ADRB3: variants seen among roughly 807,000 people sequenced by gnomAD.
The protein encoded by ADRB3 is beta-3 adrenergic receptor.
In ADRB3, 33 loss-of-function variants were observed where a neutral mutation model predicts 23.8. That is an observed-to-expected ratio of 1.38 (90% confidence interval 1.05 to 1.85). The LOEUF (loss-of-function observed/expected upper bound fraction) is 1.85. Among genes scored for constraint, ADRB3 ranks in the 40% most tolerant of loss-of-function variants. ADRB3 has a pLI of 0.00. For missense variants in ADRB3, 600 were observed against 579.6 expected (o/e 1.04, Z -0.36); for synonymous variants, 289 against 273.0 (o/e 1.06, Z -0.58).
chr8:37,965,014 G>A (rs940821037), intron 1 of ADRB3: 11 of 455,494 alleles, frequency 2.4e-5, no homozygotes, highest in Non-Finnish European at 3.4e-5. Context: ...GCGCTTTCCG[G>A]TGGCGCACCT....
rs1330874005 is a variant in ADRB3 at position 37,965,633 on chromosome 8, G to A, written c.837C>T (p.Pro279=). The A allele has an allele frequency of 6.5e-7, 1 of 1,531,340 alleles. No individual in the cohort carries two copies. The highest frequency in any genetic ancestry group is 2.6e-5 in the East Asian group (1 of 38,872). 94.9% of individuals were successfully genotyped at this position (1,531,340 alleles called of 1,614,324 possible). The change falls in exon 1 of 2, where the codon CCC becomes CCT. Residue 279 remains proline (P), a synonymous_variant. Coordinates refer to ENST00000345060, the MANE Select transcript of ADRB3 (RefSeq NM_000025.3). ...PEGVPACGRR[P]ARLLPLREHR... ...GTTCCCGGAGAGGCAGGAGGCGCGC[G>A]GGCCGCCGGCCGCAGGCGGGCACCC...
Position 37,964,134 on chromosome 8 carries a change from A to T in ADRB3, c.*84T>A. ...GAGGGTAGAGTGTCACAGCCGGGGA[A>T]TCCCATGGGACTCATTCTGAACAGA... On this transcript the variant is annotated 3_prime_UTR_variant, in exon 2 of 2. Transcript: ENST00000345060. The T allele has an allele frequency of 8.2e-7, 1 of 1,213,048 alleles. No homozygotes were observed. The highest frequency in any genetic ancestry group is 1.5e-5 in the African/African-American group (1 of 66,862). 75.1% of individuals were successfully genotyped at this position (1,213,048 alleles called of 1,614,324 possible).
intron 1 of ADRB3, among the ~76,000 whole-genome samples, chr8:37,964,589 T>A: frequency 6.7e-6 from 1 of 149,834 alleles, no homozygotes; most frequent in Non-Finnish European, 1.5e-5. Flanking sequence ...CCAGGTCTAG[T>A]GATGGCAAGA....
In ADRB3 at chr8:37,964,123, A is replaced by G. The variant is rs1399508082; in HGVS notation, c.*95T>C. The G allele has an allele frequency of 2.6e-6, 3 of 1,137,946 alleles. No homozygotes were observed. In the East Asian group the frequency reaches 7.1e-5, roughly 27 times the overall value. 70.5% of individuals were successfully genotyped at this position (1,137,946 alleles called of 1,614,324 possible). A position where few individuals can be genotyped will look rare whatever the true frequency, so the allele number is the denominator to read the frequency against. ...GTCAGGTTCTGGAGGGTAGAGTGTC[A>G]CAGCCGGGGAATCCCATGGGACTCA... On this transcript the variant is annotated 3_prime_UTR_variant, in exon 2 of 2. Coordinates refer to ENST00000345060, the MANE Select transcript of ADRB3 (RefSeq NM_000025.3).
rs1808282241 is a variant in ADRB3 at position 37,965,514 on chromosome 8, C to A, written c.956G>T (p.Gly319Val). The A allele has an allele frequency of 2.1e-5, 32 of 1,551,330 alleles. No individual in the cohort carries two copies. Among genetic ancestry groups the A allele is most frequent in the Non-Finnish European group, 2.5e-5 (29 of 1,147,232 alleles). ...FLANVLRALG[G>V]PSLVPGPAFL... is the part of the protein sequence containing the mutation. ...AGCCGGGCCCGGGACTAGAGAGGGG[C>A]CCCCCAGGGCGCGCAGCACGTTGGC... The change falls in exon 1 of 2, where the codon GGC (glycine) becomes GTC (valine). Residue 319 changes from glycine (G) to valine (V), a missense_variant. Transcript: ENST00000345060.
In ADRB3 at chr8:37,966,089, G is replaced by A. The variant is rs45563241; in HGVS notation, c.381C>T (p.Thr127=). The change falls in exon 1 of 2, where the codon ACC becomes ACT. Residue 127 remains threonine, a synonymous_variant. Transcript: ENST00000345060. ...AGCGGTCCACGGCCAGGGCGCACAG[G>A]GTTTCGATGCTGGCGGTCACACACA... ...DVLCVTASIE[T]LCALAVDRYL... 2,670 of 1,610,890 alleles carry A rather than the reference G, an allele frequency of 1.7e-3. 39 individuals are homozygous for A. In the East Asian group the frequency reaches 0.032, roughly 19 times the overall value.
chr8:37,964,290 T>C (rs766194379), intron 1 of ADRB3, 51 bp from the exon 2 acceptor site: 1 of 1,517,822 alleles, frequency 6.6e-7, no homozygotes, highest in Admixed American at 1.7e-5. Flanking sequence ...GAGCAACAGG[T>C]GCACTGAGGG....
At chr8:37,964,748 A>G (rs1808263396) in intron 1 of ADRB3, among the ~76,000 whole-genome samples, 1 of 152,208 alleles carries the variant, frequency 6.6e-6, no homozygotes, top group African/African-American at 2.4e-5. Flanking sequence ...CCTGGGCAAC[A>G]TAGCAAGACC....
chr8:37,965,391 A>G lies in ADRB3; in HGVS notation c.1079T>C (p.Leu360Pro). 6.5e-7 allele frequency: 1 copy of G among 1,548,462 alleles called. No homozygotes were observed. Residue 360 changes from leucine to proline, a missense_variant, in exon 1 of 2, where the codon CTG becomes CCG. Coordinates refer to ENST00000345060, the MANE Select transcript of ADRB3 (RefSeq NM_000025.3). ...AGGCAGGCGACGGCCGCAGCGGCACAGAAGACGGCGGAAGGCGCTGCGAAA... is the reference window on the plus strand; with the variant it reads ...AGGCAGGCGACGGCCGCAGCGGCACGGAAGACGGCGGAAGGCGCTGCGAAA... ...PDFRSAFRRL[L>P]CRCGRRLPPE...
chr8:37,964,005 G>T lies in ADRB3; in HGVS notation c.*213C>A. ...CACTGAGGGAGGAGTGAAGTTCAAGGCTGGGGTTTAGAAAACATCTCTCAG... is the reference window on the plus strand; with the variant it reads ...CACTGAGGGAGGAGTGAAGTTCAAGTCTGGGGTTTAGAAAACATCTCTCAG... On this transcript the variant is annotated 3_prime_UTR_variant, in exon 2 of 2. Coordinates refer to ENST00000345060, the MANE Select transcript of ADRB3 (RefSeq NM_000025.3). 1.9e-6 allele frequency: 1 copy of T among 530,246 alleles called. No homozygotes were observed. The highest frequency in any genetic ancestry group is 2.3e-5 in the South Asian group (1 of 42,580). The allele number at this position is 530,246 out of a possible 1,614,324, so 32.8% of individuals were successfully genotyped here. A position where few individuals can be genotyped will look rare whatever the true frequency, so the allele number is the denominator to read the frequency against.
chr8:37,966,418 G>C lies in ADRB3; in HGVS notation c.52C>G (p.Pro18Ala), dbSNP rs953228215. The part of the protein sequence containing the change: ...NSSLAPWPDL[P>A]TLAPNTANTS... ...TTGGCGGTATTGGGCGCCAGGGTGG[G>C]GAGGTCCGGCCATGGGGCAAGAGAG... The change falls in exon 1 of 2, where the codon CCC (proline) becomes GCC (alanine). Residue 18 changes from proline to alanine, a missense_variant. Transcript: ENST00000345060. The C allele has an allele frequency of 6.2e-7, 1 of 1,607,954 alleles. No individual in the cohort carries two copies. The highest frequency in any genetic ancestry group is 1.3e-5 in the African/African-American group (1 of 74,894).
In ADRB3 at chr8:37,964,058, C is replaced by A; in HGVS notation, c.*160G>T. 1.6e-6 allele frequency: 1 copy of A among 620,130 alleles called. No individual in the cohort carries two copies. Among genetic ancestry groups the A allele is most frequent in the African/African-American group, 1.9e-5 (1 of 53,710 alleles). The allele number at this position is 620,130 out of a possible 1,614,324, so 38.4% of individuals were successfully genotyped here. A position where few individuals can be genotyped will look rare whatever the true frequency, so the allele number is the denominator to read the frequency against. On this transcript the variant is annotated 3_prime_UTR_variant, in exon 2 of 2. Transcript: ENST00000345060. ...AGAGAGCAAGAGGATGGTGAAAACC[C>A]ACTTGGTAAGGATCCCTCCTTGGGT...
Position 37,965,786 on chromosome 8 carries a change from G to T in ADRB3, c.684C>A (p.Phe228Leu). 3.2e-6 allele frequency: 5 copies of T among 1,551,694 alleles called. No homozygotes were observed. In the Middle Eastern group the frequency reaches 8.3e-4, roughly 259 times the overall value. Residue 228 changes from phenylalanine (F) to leucine (L), a missense_variant, in exon 1 of 2, where the codon TTC becomes TTA. Transcript: ENST00000345060. ...LVMLFVYARVFVVATRQLRLL... is the reference protein window; with the variant it reads ...LVMLFVYARVLVVATRQLRLL... ...AGCGCAGCTGGCGCGTAGCCACCAC[G>T]AAAACCCGCGCGTAGACGAAGAGCA...
chr8:37,966,513 G>T lies in ADRB3; in HGVS notation c.-44C>A. On this transcript the variant is annotated 5_prime_UTR_variant, in exon 1 of 2. Coordinates refer to ENST00000345060, the MANE Select transcript of ADRB3 (RefSeq NM_000025.3). ...GCGGTAGGGAAAGAAGGAAGGAGGG[G>T]GTCTCCCAAATCACCTGGCTCAGGG... 5 of 1,522,958 alleles carry T rather than the reference G, an allele frequency of 3.3e-6. No homozygotes were observed. The highest frequency in any genetic ancestry group is 4.4e-5 in the Admixed American group (2 of 45,088). 94.3% of individuals were successfully genotyped at this position (1,522,958 alleles called of 1,614,324 possible).
rs1216856712 is a variant in ADRB3, at chr8:37,965,647, A to C, written c.823T>G (p.Cys275Gly). ...TCAPPEGVPA[C>G]GRRPARLLPL... is the part of the protein sequence containing the mutation. ...AGGAGGCGCGCGGGCCGCCGGCCGC[A>C]GGCGGGCACCCCTTCGGGCGGAGCG... The change falls in exon 1 of 2, where the codon TGC becomes GGC. Residue 275 changes from cysteine (C) to glycine (G), a missense_variant. By Grantham distance (159) the Cys-to-Gly change is radical (BLOSUM62 -3). Coordinates refer to ENST00000345060, the MANE Select transcript of ADRB3 (RefSeq NM_000025.3). 3 of 1,531,910 alleles carry C rather than the reference A, an allele frequency of 2.0e-6. No individual in the cohort carries two copies. Among genetic ancestry groups the C allele is most frequent in the East Asian group, 2.6e-5 (1 of 39,026 alleles). The allele number at this position is 1,531,910 out of a possible 1,614,324, so 94.9% of individuals were successfully genotyped here. A position where few individuals can be genotyped will look rare whatever the true frequency, so the allele number is the denominator to read the frequency against.
At position 37,966,110 on chromosome 8, in the gene ADRB3, A is replaced by G. The variant is rs779427508; in HGVS notation, c.360T>C (p.Cys120=). Residue 120 remains cysteine (C), a synonymous_variant, in exon 1 of 2, where the codon TGT becomes TGC. Coordinates refer to ENST00000345060, the MANE Select transcript of ADRB3 (RefSeq NM_000025.3). ...ACAGGGTTTCGATGCTGGCGGTCACACACAGCACGTCCACCGAGGTCCACA... is the reference window on the plus strand; with the variant it reads ...ACAGGGTTTCGATGCTGGCGGTCACGCACAGCACGTCCACCGAGGTCCACA... ...CELWTSVDVL[C]VTASIETLCA... 6.2e-7 allele frequency: 1 copy of G among 1,611,522 alleles called. No individual in the cohort carries two copies. Among genetic ancestry groups the G allele is most frequent in the Non-Finnish European group, 8.5e-7 (1 of 1,179,064 alleles).
At position 37,966,397 on chromosome 8, in the gene ADRB3, C is replaced by A; in HGVS notation, c.73G>T (p.Ala25Ser). The change falls in exon 1 of 2, where the codon GCC becomes TCC. Residue 25 changes from alanine (A) to serine (S), a missense_variant. By Grantham distance (99) the Ala-to-Ser change is moderately conservative. Coordinates refer to ENST00000345060, the MANE Select transcript of ADRB3 (RefSeq NM_000025.3). ...PDLPTLAPNT[A>S]NTSGLPGVPW... ...ACCCCTGGCAGCCCACTGGTGTTGGCGGTATTGGGCGCCAGGGTGGGGAGG... is the reference window on the plus strand; with the variant it reads ...ACCCCTGGCAGCCCACTGGTGTTGGAGGTATTGGGCGCCAGGGTGGGGAGG... 6.2e-7 allele frequency: 1 copy of A among 1,608,568 alleles called. No individual in the cohort carries two copies. The highest frequency in any genetic ancestry group is 8.5e-7 in the Non-Finnish European group (1 of 1,178,322).
At chr8:37,964,424 A>G (rs566497967) in intron 1 of ADRB3, among the ~76,000 whole-genome samples, 185 bp from the exon 2 acceptor site, 85 of 152,132 alleles carry the variant, frequency 5.6e-4, no homozygotes, top group African/African-American at 2.0e-3. Context: ...GGGAGGGCAC[A>G]CATCTGCACT....
Position 37,966,161 on chromosome 8 carries a change from C to T in ADRB3, c.309G>A (p.Trp103Ter). The T allele has an allele frequency of 6.2e-7, 1 of 1,609,908 alleles. No individual in the cohort carries two copies. The highest frequency in any genetic ancestry group is 8.5e-7 in the Non-Finnish European group (1 of 1,178,618). The stretch of plus-strand genomic sequence containing the variant: ...GCTCGCAGCCAGTGGCGCCCAACGG[C>T]CAGTGGCCAGTCAGCGCCAAGGTGG... ...PAATLALTGHWPLGATGCELW... is the reference protein window; with the variant it reads ...PAATLALTGH Residue 103 changes from tryptophan (W) to a stop codon, truncating the protein, a stop_gained, in exon 1 of 2, where the codon TGG becomes TGA. Transcript: ENST00000345060. LOFTEE classifies it high-confidence loss of function.
Sources: gnomAD v4.1 joint callset for allele counts (sites outside exome capture counted in the v4.1 genomes callset) on GRCh38, gnomAD v4.1.1 for gene constraint, MANE v1.5 for transcripts, NCBI Gene and HGNC (gene_info 2026-07-23, HGNC 2026-07-21) for gene names.